The following PCDHGA3 variants were observed in gnomAD, a reference collection of about 807,000 sequenced individuals.
The protein encoded by PCDHGA3 is protocadherin gamma-A3.
A neutral mutation model predicts 58.5 loss-of-function variants in PCDHGA3; 40 were observed. That is an observed-to-expected ratio of 0.68 (90% CI 0.53 to 0.89). The LOEUF is 0.89. Among genes scored for constraint, PCDHGA3 ranks in the 40% least tolerant of loss-of-function variants. PCDHGA3 has a pLI of 0.00. For synonymous variants in PCDHGA3, 530 were observed against 525.7 expected (o/e 1.01, Z -0.11); for missense variants, 1,223 against 1,195.9 (o/e 1.02, Z -0.33).
chr5:141,471,006 T>A (rs560578929), intron 1 of PCDHGA3, among the ~76,000 whole-genome samples: 57 of 150,804 alleles, frequency 3.8e-4, no homozygotes, highest in African/African-American at 1.3e-3. Context: ...CATGAGCCAC[T>A]GTGCCTGGTC....
In PCDHGA3 at chr5:141,392,907, C is replaced by T. The variant is rs746317747; in HGVS notation, c.2424+46450C>T. The T allele has an allele frequency of 5.6e-6, 9 of 1,613,824 alleles. No homozygotes were observed. In the East Asian group the frequency reaches 1.8e-4, roughly 32 times the overall value. On this transcript the variant is annotated intron_variant, in intron 1 of 3. Coordinates refer to ENST00000253812, the MANE Select transcript of PCDHGA3 (RefSeq NM_018916.4). Reference sequence around the variant, plus strand: ...GTGGGAAATCGGGAGGGGACAGATTCGCTACTCTGTGCCAGAAGAGACGGA... The same window carrying T: ...GTGGGAAATCGGGAGGGGACAGATTTGCTACTCTGTGCCAGAAGAGACGGA...
intron 1 of PCDHGA3, among the ~76,000 whole-genome samples, chr5:141,401,626 C>T (rs1476531463): frequency 6.6e-6 from 1 of 152,174 alleles, no homozygotes; most frequent in Non-Finnish European, 1.5e-5. Flanking sequence ...TTTGTCTTAT[C>T]GTTTGGAGCT....
intron 1 of PCDHGA3, chr5:141,422,687 T>C: frequency 6.2e-7 from 1 of 1,604,936 alleles, no homozygotes; most frequent in Non-Finnish European, 8.5e-7. Flanking sequence ...CAGAATGCCC[T>C]GGTCACTTAC....
rs370951112 is a variant in PCDHGA3 at position 141,357,333 on chromosome 5, G to A, written c.2424+10876G>A. ...TCTTCCTGGCTTTTGTCACGGTGCT[G>A]CTAGCACTCAAGCTGAGACGCTGGC... is the stretch of plus-strand genomic sequence containing the variant. On this transcript the variant is annotated intron_variant, in intron 1 of 3. Coordinates refer to ENST00000253812, the MANE Select transcript of PCDHGA3 (RefSeq NM_018916.4). 17 of 1,614,014 alleles carry A rather than the reference G, an allele frequency of 1.1e-5. No individual in the cohort carries two copies. In the African/African-American group the frequency reaches 2.3e-4, roughly 22 times the overall value.
chr5:141,404,630 C>T (rs1391155615), intron 1 of PCDHGA3: 1 of 1,614,154 alleles, frequency 6.2e-7, no homozygotes, highest in Admixed American at 1.7e-5. Flanking sequence ...TGACAATGCC[C>T]CAGAAATCCT....
chr5:141,489,165 G>T lies in PCDHGA3; in HGVS notation c.2425-5642G>T. ...GAAGGAGACATAAGAGACTTCAGCT[G>T]CTGCATTCCAAGCCCTGGGTCTACC... On this transcript the variant is annotated intron_variant, in intron 1 of 3. Coordinates refer to ENST00000253812, the MANE Select transcript of PCDHGA3 (RefSeq NM_018916.4). This position sits in a 1 kb window ranked among gnomAD's most constrained non-coding sequence, Gnocchi z 4.5. 9.2e-7 allele frequency: 1 copy of T among 1,082,084 alleles called. No homozygotes were observed. Among genetic ancestry groups the T allele is most frequent in the Non-Finnish European group, 1.3e-6 (1 of 745,856 alleles). 67.0% of individuals were successfully genotyped at this position (1,082,084 alleles called of 1,614,324 possible).
At chr5:141,442,049 C>A in intron 1 of PCDHGA3, 2 of 202,550 alleles carry the variant, frequency 9.9e-6, no homozygotes, top group South Asian at 1.3e-4. Flanking sequence ...GCCTACTGGT[C>A]GCGGTGCACT....
At chr5:141,354,402 G>C (rs1375359992) in intron 1 of PCDHGA3, among the ~76,000 whole-genome samples, 1 of 152,184 alleles carries the variant, frequency 6.6e-6, no homozygotes, top group Non-Finnish European at 1.5e-5. Flanking sequence ...AGAATCTACT[G>C]TACACAAAAT....
At chr5:141,355,699 C>G in intron 1 of PCDHGA3, 1 of 1,613,950 alleles carries the variant, frequency 6.2e-7, no homozygotes, top group African/African-American at 1.3e-5. Flanking sequence ...TGTAAACTCC[C>G]TGCAGGGTTA....
intron 1 of PCDHGA3, chr5:141,370,191 T>C: frequency 1.9e-6 from 1 of 522,822 alleles, no homozygotes; most frequent in Non-Finnish European, 3.3e-6. Context: ...TCTTGGCTAG[T>C]GCTGTGCAAA....
intron 1 of PCDHGA3, among the ~76,000 whole-genome samples, chr5:141,453,393 A>G (rs2098764590): frequency 6.6e-6 from 1 of 152,018 alleles, no homozygotes; most frequent in Non-Finnish European, 1.5e-5. Flanking sequence ...CTTAGCCTCC[A>G]AGTGCTGGTA....
intron 1 of PCDHGA3, chr5:141,355,370 G>A (rs756032397): frequency 2.4e-5 from 38 of 1,613,918 alleles, no homozygotes; most frequent in Non-Finnish European, 3.1e-5. Context: ...TTGGCGCCCC[G>A]GGAGCTGGCG....
chr5:141,477,059 A>G lies in PCDHGA3; in HGVS notation c.2425-17748A>G. On this transcript the variant is annotated intron_variant, in intron 1 of 3. Coordinates refer to ENST00000253812, the MANE Select transcript of PCDHGA3 (RefSeq NM_018916.4). This position sits in a 1 kb window ranked among gnomAD's most constrained non-coding sequence, Gnocchi z 4.9. ...CAAGGGTCGGCTGGACTTCGAGGAC[A>G]CCAAACTCCATGAGATTTACATCCA... The G allele has an allele frequency of 1.2e-6, 2 of 1,614,238 alleles. No individual in the cohort carries two copies. Among genetic ancestry groups the G allele is most frequent in the Non-Finnish European group, 1.7e-6 (2 of 1,180,036 alleles).
rs537985555 is a variant in PCDHGA3 at position 141,449,278 on chromosome 5, C to A, written c.2425-45529C>A. On this transcript the variant is annotated intron_variant, in intron 1 of 3. Coordinates refer to ENST00000253812, the MANE Select transcript of PCDHGA3 (RefSeq NM_018916.4). ...TGTACAAAGAACTGTATCTCCTTCA[C>A]CCGGATGCACCGGGTGAATTATATG... Among the ~76,000 whole-genome samples the A allele has an allele frequency of 4.6e-5, 7 of 152,166 alleles. No homozygotes were observed. In the South Asian group the frequency reaches 1.5e-3, roughly 32 times the overall value.
chr5:141,376,155 T>C, intron 1 of PCDHGA3: 1 of 1,614,062 alleles, frequency 6.2e-7, no homozygotes, highest in Non-Finnish European at 8.5e-7. Context: ...GACCTCACTC[T>C]GTACCTGGTG....
intron 1 of PCDHGA3, chr5:141,389,625 G>C: frequency 6.2e-7 from 1 of 1,613,020 alleles, no homozygotes; most frequent in Non-Finnish European, 8.5e-7. Flanking sequence ...GCACGCTGCA[G>C]AGCCTGGCTA....
chr5:141,362,960 A>C (rs900471696), intron 1 of PCDHGA3, among the ~76,000 whole-genome samples: 10 of 152,248 alleles, frequency 6.6e-5, no homozygotes, highest in African/African-American at 2.4e-4. Context: ...GAAATTGGGA[A>C]ACAAAGAAGA....
intron 1 of PCDHGA3, chr5:141,371,868 G>A (rs755178809): frequency 2.5e-6 from 4 of 1,613,510 alleles, no homozygotes; most frequent in Non-Finnish European, 3.4e-6. Context: ...CTACTACATC[G>A]TGGCCAGTGA....
intron 1 of PCDHGA3, among the ~76,000 whole-genome samples, chr5:141,358,521 A>G (rs1448511689): frequency 6.6e-6 from 1 of 152,234 alleles, no homozygotes; most frequent in Non-Finnish European, 1.5e-5. Context: ...ATGAACTGGT[A>G]TATTTCAAAT....
Sources: gnomAD v4.1 joint callset for allele counts (sites outside exome capture counted in the v4.1 genomes callset) on GRCh38, gnomAD v4.1.1 for gene constraint, Gnocchi (gnomAD v3.1) non-coding constraint, MANE v1.5 for transcripts, NCBI Gene and HGNC (gene_info 2026-07-23, HGNC 2026-07-21) for gene names.